PRKCA: variants seen among roughly 807,000 people sequenced by gnomAD.
PRKCA encodes the protein protein kinase C alpha, also known as protein kinase C alpha type.
PRKCA carries 27 observed loss-of-function variants against 87.0 expected under a neutral mutation model. The ratio of observed to expected loss-of-function variants is 0.31; its 90% CI spans 0.23 to 0.43. PRKCA has a LOEUF of 0.43. Ranked by LOEUF, PRKCA falls within the 20% of genes least tolerant of loss-of-function variation. PRKCA has a pLI of 1.00. For synonymous variants in PRKCA, 329 were observed against 311.1 expected (o/e 1.06, Z -0.61); for missense variants, 518 against 852.3 (o/e 0.61, Z 4.88).
chr17:66,445,274 A>T (rs1266245432), intron 2 of PRKCA, among the ~76,000 whole-genome samples: 1 of 152,156 alleles, frequency 6.6e-6, no homozygotes, highest in East Asian at 1.9e-4. Context: ...AAACCCAGGG[A>T]GGGCTGCAAG....
chr17:66,430,954 A>G (rs546187272), intron 2 of PRKCA, among the ~76,000 whole-genome samples: 9 of 152,296 alleles, frequency 5.9e-5, no homozygotes, highest in Non-Finnish European at 1.0e-4. Context: ...CTTTCCAAGG[A>G]AATCACAGGC....
chr17:66,631,124 A>C (rs1182279375), intron 3 of PRKCA, among the ~76,000 whole-genome samples: 1 of 152,154 alleles, frequency 6.6e-6, no homozygotes, highest in Non-Finnish European at 1.5e-5. Context: ...AAAGTCCCTA[A>C]GTGAAAAGTG....
intron 2 of PRKCA, among the ~76,000 whole-genome samples, chr17:66,349,732 CA>C (rs1907621604): frequency 6.6e-6 from 1 of 152,112 alleles, no homozygotes; most frequent in Non-Finnish European, 1.5e-5. Context: ...TCCAATAGAA[CA>C]GTGTTTGGCC....
At chr17:66,587,273 G>T (rs1378396356) in intron 3 of PRKCA, among the ~76,000 whole-genome samples, 1 of 152,074 alleles carries the variant, frequency 6.6e-6, no homozygotes, top group Non-Finnish European at 1.5e-5. Context: ...TCCTTCCAAG[G>T]TATCCCAAAG....
At chr17:66,692,135 G>A (rs16960039) in intron 8 of PRKCA, among the ~76,000 whole-genome samples, 10,390 of 152,268 alleles carry the variant, frequency 0.068, 388 homozygotes, top group South Asian at 0.14. Context: ...CCTGGGGAGA[G>A]GTGGCATCAG....
intron 2 of PRKCA, among the ~76,000 whole-genome samples, chr17:66,372,346 A>G (rs1909163572): frequency 6.6e-6 from 1 of 152,230 alleles, no homozygotes; most frequent in South Asian, 2.1e-4. Context: ...ATACCATTGG[A>G]GACACCCACT....
At chr17:66,573,483 A>T (rs1194545104) in intron 3 of PRKCA, among the ~76,000 whole-genome samples, 1 of 152,178 alleles carries the variant, frequency 6.6e-6, no homozygotes, top group Non-Finnish European at 1.5e-5. Flanking sequence ...GCAGTACCTA[A>T]ACGCAACCAT....
chr17:66,661,961 C>T (rs972778567), intron 5 of PRKCA, among the ~76,000 whole-genome samples: 10 of 152,182 alleles, frequency 6.6e-5, no homozygotes, highest in Admixed American at 1.3e-4. Context: ...CACCCCTTAC[C>T]CCTGGAGCTT....
intron 2 of PRKCA, among the ~76,000 whole-genome samples, chr17:66,426,931 G>A (rs1912840801): frequency 6.6e-6 from 1 of 152,046 alleles, no homozygotes; most frequent in South Asian, 2.1e-4. Context: ...ATTAACCCTG[G>A]GGTTTTCCTG....
intron 2 of PRKCA, among the ~76,000 whole-genome samples, chr17:66,413,843 G>T (rs139689511): frequency 3.5e-4 from 53 of 152,012 alleles, no homozygotes; most frequent in Admixed American, 1.4e-3. Context: ...GCAATACCCC[G>T]TCTCTACTAA....
At chr17:66,671,335 G>C (rs921823642) in intron 5 of PRKCA, among the ~76,000 whole-genome samples, 1 of 151,748 alleles carries the variant, frequency 6.6e-6, no homozygotes, top group South Asian at 2.1e-4. Flanking sequence ...AGAATGTACT[G>C]GAATGGGGCT....
At chr17:66,735,686 G>A (rs767894820) in intron 10 of PRKCA, 24 bp downstream of exon 10, 60 of 1,607,326 alleles carry the variant, frequency 3.7e-5, no homozygotes, top group Non-Finnish European at 4.8e-5. Context: ...GAATCCCTGC[G>A]ATGCAGTACC....
chr17:66,761,138 G>T (rs553267124), intron 13 of PRKCA, among the ~76,000 whole-genome samples: 1 of 152,090 alleles, frequency 6.6e-6, no homozygotes, highest in Admixed American at 6.5e-5. Flanking sequence ...TTGGGAGGCC[G>T]AGGTGGGCGG....
At chr17:66,448,776 T>C (rs1374582032) in intron 2 of PRKCA, among the ~76,000 whole-genome samples, 1 of 152,048 alleles carries the variant, frequency 6.6e-6, no homozygotes, top group Non-Finnish European at 1.5e-5. Flanking sequence ...CATTCAGTTT[T>C]ACCCCTCAAA....
At chr17:66,542,257 G>A (rs1968011264) in intron 3 of PRKCA, among the ~76,000 whole-genome samples, 1 of 152,044 alleles carries the variant, frequency 6.6e-6, no homozygotes, top group Admixed American at 6.5e-5. Context: ...GGATTTTCAC[G>A]ATGTGGTTTG....
intron 11 of PRKCA, 129 bp from the exon 12 acceptor site, chr17:66,741,530 C>T (rs2144233514): frequency 1.1e-6 from 1 of 915,518 alleles, no homozygotes; most frequent in Non-Finnish European, 1.7e-6. Context: ...TGGAAGAACA[C>T]GATGCTGGTC....
chr17:66,682,682 G>A (rs1972523307), intron 5 of PRKCA, among the ~76,000 whole-genome samples: 1 of 151,896 alleles, frequency 6.6e-6, no homozygotes, highest in South Asian at 2.1e-4. Context: ...ATTTTCAATA[G>A]TGTGTGTATC....
At chr17:66,390,858 G>A (rs1910321234) in intron 2 of PRKCA, among the ~76,000 whole-genome samples, 1 of 152,120 alleles carries the variant, frequency 6.6e-6, no homozygotes, top group Non-Finnish European at 1.5e-5. Flanking sequence ...GGTGCAGACT[G>A]ACCCATCCAA....
chr17:66,350,677 C>G (rs764304524), intron 2 of PRKCA, among the ~76,000 whole-genome samples: 1 of 152,086 alleles, frequency 6.6e-6, no homozygotes, highest in South Asian at 2.1e-4. Context: ...TGCACACAAC[C>G]ACACCTGGCT....
Sources: gnomAD v4.1 joint callset for allele counts (sites outside exome capture counted in the v4.1 genomes callset) on GRCh38, gnomAD v4.1.1 for gene constraint, MANE v1.5 for transcripts, NCBI Gene and HGNC (gene_info 2026-07-23, HGNC 2026-07-21) for gene names.